The following CPNE7 variants were observed in gnomAD, a reference collection of about 807,000 sequenced individuals.
The protein encoded by CPNE7 is copine-7.
Under a neutral mutation model 66.5 loss-of-function variants are expected in CPNE7, and 78 were observed. The ratio of observed to expected loss-of-function variants is 1.17; its 90% CI spans 0.98 to 1.42. The LOEUF is 1.42. Ranked by LOEUF, CPNE7 falls within the 40% of genes most tolerant of loss-of-function variation. CPNE7 has a pLI of 0.00. For synonymous variants in CPNE7, 468 were observed against 336.7 expected, an observed-to-expected ratio of 1.39 and a Z score of -4.27; for missense variants, 1,012 against 776.6, an observed-to-expected ratio of 1.30 and a Z score of -3.60.
intron 10 of CPNE7, among the ~76,000 whole-genome samples, chr16:89,589,552 CCT>C (rs1369440009): frequency 2.0e-5 from 3 of 152,198 alleles, no homozygotes; most frequent in Admixed American, 6.5e-5. Context: ...ACCCTACAGA[CCT>C]CTCTTTCTGG....
intron 2 of CPNE7, among the ~76,000 whole-genome samples, chr16:89,581,466 T>C (rs2151432343): frequency 6.6e-6 from 1 of 152,334 alleles, no homozygotes; most frequent in South Asian, 2.1e-4. Flanking sequence ...CAGCGCGTGT[T>C]CTCCCTGCTG....
rs188153511 is a variant in CPNE7 at position 89,594,769 on chromosome 16, A to G, written c.1303-598A>G. On this transcript the variant is annotated intron_variant, in intron 13 of 14. Transcript: ENST00000319518. The stretch of plus-strand genomic sequence containing the variant: ...CAAGTTCAAGCGATTCTCATGCCTC[A>G]GCCTCCCGAATAGCTGGGATTACAG... Among the ~76,000 whole-genome samples, 814 of 147,932 alleles carry G rather than the reference A, an allele frequency of 5.5e-3. 11 individuals carry two copies. The highest frequency in any genetic ancestry group is 0.02 in the African/African-American group (780 of 39,984).
At chr16:89,586,225 C>T (rs1345943104) in intron 7 of CPNE7, among the ~76,000 whole-genome samples, 1 of 152,042 alleles carries the variant, frequency 6.6e-6, no homozygotes, top group Non-Finnish European at 1.5e-5. Context: ...GATGGTGGAC[C>T]CTGGTGCTGG....
In CPNE7 at chr16:89,575,804, T is replaced by G; in HGVS notation, c.-94T>G. 1.0e-6 allele frequency: 1 copy of G among 965,618 alleles called. No homozygotes were observed. The highest frequency in any genetic ancestry group is 1.3e-6 in the Non-Finnish European group (1 of 792,744). The allele number at this position is 965,618 out of a possible 1,614,324, so 59.8% of individuals were successfully genotyped here. A position where few individuals can be genotyped will look rare whatever the true frequency, so the allele number is the denominator to read the frequency against. On this transcript the variant is annotated 5_prime_UTR_variant, in exon 1 of 15. Transcript: ENST00000319518. Reference sequence around the variant, plus strand: ...GCGTTCAGGGAAGCGCGGCCACGCCTGGGCCGGCCACCATTTCCCGGGCGC... The same window carrying G: ...GCGTTCAGGGAAGCGCGGCCACGCCGGGGCCGGCCACCATTTCCCGGGCGC...
In CPNE7 at chr16:89,575,906, G is replaced by A. The variant is rs1170759082; in HGVS notation, c.9G>A (p.Ala3=). The change falls in exon 1 of 15, where the codon GCG becomes GCA. Residue 3 remains alanine, a synonymous_variant. Transcript: ENST00000319518. ...CCCCGAACGCCGGGAGCATGAGCGC[G>A]GGCTCGGAGCGCGGGGCGGCGGCAA... MS[A]GSERGAAATP... is the part of the protein sequence containing the mutation. 4 of 1,234,894 alleles carry A rather than the reference G, an allele frequency of 3.2e-6. No individual in the cohort carries two copies. Among genetic ancestry groups the A allele is most frequent in the East Asian group, 6.5e-5 (2 of 30,664 alleles). The allele number at this position is 1,234,894 out of a possible 1,614,324, so 76.5% of individuals were successfully genotyped here.
At position 89,577,733 on chromosome 16, in the gene CPNE7, G is replaced by A. The variant is rs746145877; in HGVS notation, c.357+12G>A. On this transcript the variant is annotated intron_variant, in intron 2 of 14. Coordinates refer to ENST00000319518, the MANE Select transcript of CPNE7 (RefSeq NM_153636.3). ...GCACCCTGGGGCAGGTGGGTGCCCC[G>A]TCCCCTCGGAGGGAGGAGGACGGTT... 1.5e-5 allele frequency: 23 copies of A among 1,576,938 alleles called. No homozygotes were observed. The African/African-American group carries it at 1.5e-4, about 10-fold the overall frequency.
chr16:89,596,686 G>A lies in CPNE7; in HGVS notation c.*65G>A. On this transcript the variant is annotated 3_prime_UTR_variant, in exon 15 of 15. Transcript: ENST00000319518. ...TCCGTACAGCCTCTGTCTGCAACATGCTTGGGGTCCCTTAAGCTCCCTCCG... is the reference window on the plus strand; with the variant it reads ...TCCGTACAGCCTCTGTCTGCAACATACTTGGGGTCCCTTAAGCTCCCTCCG... 1 of 1,466,800 alleles carries A rather than the reference G, an allele frequency of 6.8e-7. No homozygotes were observed. The highest frequency in any genetic ancestry group is 9.0e-7 in the Non-Finnish European group (1 of 1,113,740). The allele number at this position is 1,466,800 out of a possible 1,614,324, so 90.9% of individuals were successfully genotyped here. A position where few individuals can be genotyped will look rare whatever the true frequency, so the allele number is the denominator to read the frequency against.
chr16:89,583,736 A>C lies in CPNE7; in HGVS notation c.397A>C (p.Lys133Gln). 6.2e-7 allele frequency: 1 copy of C among 1,612,750 alleles called. No individual in the cohort carries two copies. The highest frequency in any genetic ancestry group is 8.5e-7 in the Non-Finnish European group (1 of 1,179,910). Residue 133 changes from lysine to glutamine, a missense_variant, in exon 3 of 15, where the codon AAG (lysine) becomes CAG (glutamine). Transcript: ENST00000319518. The stretch of plus-strand genomic sequence containing the variant: ...GAAGGTGACCCGCCCGCTGCTGCTC[A>C]AGTTTGGCAGGAACGCTGGCAAGTC... The part of the protein sequence containing the change: ...QKKVTRPLLL[K>Q]FGRNAGKSTI...
At chr16:89,576,591 G>A (rs971135789) in intron 1 of CPNE7, among the ~76,000 whole-genome samples, 1 of 152,200 alleles carries the variant, frequency 6.6e-6, no homozygotes. Context: ...GAAGGGGCAC[G>A]GGGCCGGCGC....
intron 7 of CPNE7, among the ~76,000 whole-genome samples, chr16:89,586,023 G>C (rs1350850776): frequency 8.2e-6 from 1 of 122,074 alleles, no homozygotes; most frequent in Non-Finnish European, 1.7e-5. Context: ...GGGAGGGGCA[G>C]TTAGCAGGGG....
Position 89,584,936 on chromosome 16 carries a change from A to T in CPNE7, c.591+79A>T. The T allele has an allele frequency of 3.1e-6, 4 of 1,275,554 alleles. No homozygotes were observed. Among genetic ancestry groups the T allele is most frequent in the Non-Finnish European group, 3.4e-6 (3 of 886,890 alleles). The allele number at this position is 1,275,554 out of a possible 1,614,324, so 79.0% of individuals were successfully genotyped here. ...CACGCATCTCTGGCCACATGGGAGG[A>T]GCTCCCAGCCTCCAACAGGGAGCTG... On this transcript the variant is annotated intron_variant, in intron 5 of 14. Coordinates refer to ENST00000319518, the MANE Select transcript of CPNE7 (RefSeq NM_153636.3). The surrounding 1 kb of genome is among the most constrained non-coding windows in gnomAD (Gnocchi z 6.0).
chr16:89,593,895 C>G (rs192869408), intron 13 of CPNE7, among the ~76,000 whole-genome samples: 1 of 152,144 alleles, frequency 6.6e-6, no homozygotes, highest in African/African-American at 2.4e-5. Flanking sequence ...GGCTGGGAAG[C>G]GGGTCTCAGA....
intron 13 of CPNE7, among the ~76,000 whole-genome samples, chr16:89,593,615 G>A (rs901624380): frequency 9.2e-5 from 14 of 152,068 alleles, no homozygotes; most frequent in African/African-American, 3.1e-4. Context: ...GCCTCCCAAA[G>A]TGCTGGGATT....
In CPNE7 at chr16:89,577,737, C is replaced by T; in HGVS notation, c.357+16C>T. 1 of 1,573,598 alleles carries T rather than the reference C, an allele frequency of 6.4e-7. No individual in the cohort carries two copies. Among genetic ancestry groups the T allele is most frequent in the East Asian group, 2.3e-5 (1 of 43,040 alleles). On this transcript the variant is annotated intron_variant, in intron 2 of 14. Transcript: ENST00000319518. Reference sequence around the variant, plus strand: ...CCTGGGGCAGGTGGGTGCCCCGTCCCCTCGGAGGGAGGAGGACGGTTGGCG... The same window carrying T: ...CCTGGGGCAGGTGGGTGCCCCGTCCTCTCGGAGGGAGGAGGACGGTTGGCG...
chr16:89,591,681 A>G (rs2059172039), intron 13 of CPNE7, among the ~76,000 whole-genome samples: 1 of 152,080 alleles, frequency 6.6e-6, no homozygotes, highest in Non-Finnish European at 1.5e-5. Context: ...GGCCACAGCC[A>G]GCCTGCTGCT....
chr16:89,586,081 G>A (rs997801951), intron 7 of CPNE7, among the ~76,000 whole-genome samples: 4 of 143,690 alleles, frequency 2.8e-5, no homozygotes, highest in Non-Finnish European at 4.6e-5. Flanking sequence ...CTGGGGAGGG[G>A]CAGGTGAGTC....
chr16:89,596,738 C>T lies in CPNE7; in HGVS notation c.*117C>T, dbSNP rs2059263099. ...CCTCCCAGAAGCCTCCAGTCCCCAC[C>T]AGGCCCCACTCCCAGTCCTCCTGGG... On this transcript the variant is annotated 3_prime_UTR_variant, in exon 15 of 15. Transcript: ENST00000319518. 20 of 1,225,252 alleles carry T rather than the reference C, an allele frequency of 1.6e-5. No homozygotes were observed. The South Asian group carries it at 3.8e-4, about 24-fold the overall frequency. 75.9% of individuals were successfully genotyped at this position (1,225,252 alleles called of 1,614,324 possible).
At chr16:89,576,314 G>A (rs900788163) in intron 1 of CPNE7, among the ~76,000 whole-genome samples, 1 of 152,124 alleles carries the variant, frequency 6.6e-6, no homozygotes, top group Admixed American at 6.5e-5. Context: ...AGAGAGGGGG[G>A]TGCCCCGCAG....
At chr16:89,595,736 C>A in intron 14 of CPNE7, 133 bp downstream of exon 14, 2 of 827,574 alleles carry the variant, frequency 2.4e-6, no homozygotes, top group Non-Finnish European at 4.1e-6. Flanking sequence ...GGATCCTGGG[C>A]TGTTCCCCCC....
Sources: allele counts gnomAD v4.1 joint callset (sites outside exome capture counted in the v4.1 genomes callset), GRCh38; gene constraint gnomAD v4.1.1; non-coding constraint Gnocchi (gnomAD v3.1); transcripts MANE v1.5; gene names NCBI Gene and HGNC (gene_info 2026-07-23, HGNC 2026-07-21).